FRA10AC1: variants seen among roughly 807,000 people sequenced by gnomAD.
FRA10AC1 encodes protein FRA10AC1.
FRA10AC1 carries 43 observed loss-of-function variants against 56.5 expected under a neutral mutation model. That is an observed-to-expected ratio of 0.76 (90% CI 0.60 to 0.98). The LOEUF (loss-of-function observed/expected upper bound fraction) is 0.98. Ranked by LOEUF, FRA10AC1 falls within the 50% of genes least tolerant of loss-of-function variation. The probability of loss-of-function intolerance (pLI) is 0.00; values close to 1 mark genes in which losing one functional copy is unlikely to be tolerated. For synonymous variants in FRA10AC1, 112 were observed against 110.5 expected (o/e 1.01, Z -0.09); for missense variants, 346 against 351.8 (o/e 0.98, Z 0.13).
At chr10:93,671,164 G>T (rs2058755349) in intron 12 of FRA10AC1, 1 of 220,602 alleles carries the variant, frequency 4.5e-6, no homozygotes, top group Admixed American at 5.2e-5. Context: ...AGTTGTCTCT[G>T]ATCTAGTTTC....
intron 5 of FRA10AC1, 92 bp from the exon 6 acceptor site, chr10:93,692,821 AAATAT>A: frequency 1.6e-6 from 1 of 643,448 alleles, no homozygotes; most frequent in Admixed American, 3.2e-5. Flanking sequence ...ATTTTATTAA[AAATAT>A]AATACATGAA....
Position 93,700,011 on chromosome 10 carries a change from A to AT in FRA10AC1, c.77+18dup, listed in dbSNP as rs760680211. 2.2e-6 allele frequency: 3 copies of AT among 1,340,222 alleles called. No individual in the cohort carries two copies. Among genetic ancestry groups the AT allele is most frequent in the Admixed American group, 3.6e-5 (2 of 54,942 alleles). 83.0% of individuals were successfully genotyped at this position (1,340,222 alleles called of 1,614,324 possible). The stretch of plus-strand genomic sequence containing the variant: ...TAGAAAGGATGTGAAAAATAGATCA[A>AT]TAAAAAAAAATTACTTACCTTTTTT... On this transcript the variant is annotated intron_variant, in intron 2 of 13. Transcript: ENST00000359204.
intron 12 of FRA10AC1, chr10:93,673,286 C>T (rs1235606167): frequency 2.2e-6 from 1 of 455,910 alleles, no homozygotes; most frequent in Non-Finnish European, 4.4e-6. Context: ...AATATCCATA[C>T]AGTAATTTCC....
rs1265853765 is a variant in FRA10AC1, at chr10:93,669,567, T to C, written c.*259A>G. 7.2e-6 allele frequency: 3 copies of C among 416,358 alleles called. No homozygotes were observed. Among genetic ancestry groups the C allele is most frequent in the Non-Finnish European group, 1.3e-5 (3 of 234,148 alleles). The allele number at this position is 416,358 out of a possible 1,614,324, so 25.8% of individuals were successfully genotyped here. Reference sequence around the variant, plus strand: ...GTAGGAACAATGGAATCTGTCCAGCTCTATCCTCTAGGAGCTACAAATAAA... The same window carrying C: ...GTAGGAACAATGGAATCTGTCCAGCCCTATCCTCTAGGAGCTACAAATAAA... On this transcript the variant is annotated 3_prime_UTR_variant, in exon 14 of 14. Transcript: ENST00000359204.
At chr10:93,693,640 C>CACACCATATATATATACCATATATAT (rs2059176322) in intron 5 of FRA10AC1, among the ~76,000 whole-genome samples, 2 of 58,824 alleles carry the variant, frequency 3.4e-5, no homozygotes, top group Non-Finnish European at 1.2e-4. Context: ...CATATATATA[C>CACACCATATATATATACCATATATAT]ACACCATATA....
chr10:93,697,417 G>T (rs1442433802), intron 4 of FRA10AC1, among the ~76,000 whole-genome samples: 1 of 152,170 alleles, frequency 6.6e-6, no homozygotes, highest in Admixed American at 6.5e-5. Flanking sequence ...GGTAGGGGGC[G>T]TATCAAATTG....
chr10:93,679,127 GT>G (rs2058890931), intron 11 of FRA10AC1, among the ~76,000 whole-genome samples: 1 of 152,204 alleles, frequency 6.6e-6, no homozygotes, highest in South Asian at 2.1e-4. Context: ...GAAGTTGGGG[GT>G]AAAAAAGCTA....
chr10:93,694,673 C>A (rs1444682054), intron 5 of FRA10AC1, among the ~76,000 whole-genome samples, 188 bp downstream of exon 5: 2 of 140,904 alleles, frequency 1.4e-5, no homozygotes, highest in Non-Finnish European at 3.0e-5. Context: ...GAGATCAAGC[C>A]ACTGTTCTCC....
intron 3 of FRA10AC1, 54 bp from the exon 4 acceptor site, chr10:93,698,235 A>G (rs11187596): frequency 0.094 from 141,670 of 1,502,838 alleles, 7,605 homozygotes; most frequent in Middle Eastern, 0.13. Context: ...TCAAATTAAC[A>G]TAATCAAATC....
At position 93,668,970 on chromosome 10, in the gene FRA10AC1, CT is replaced by C. The variant is rs1437456726; in HGVS notation, c.*855del. 6.6e-6 allele frequency: 1 copy of C among 152,170 alleles called. No homozygotes were observed. The highest frequency in any genetic ancestry group is 1.5e-5 in the Non-Finnish European group (1 of 68,052). The allele number at this position is 152,170 out of a possible 1,614,324, so 9.4% of individuals were successfully genotyped here. ...GTTAAATTATCTTACTGCATAATCT[CT>C]GCCGGGGAGGCAATTTTTGTGAACA... On this transcript the variant is annotated 3_prime_UTR_variant, in exon 14 of 14. Coordinates refer to ENST00000359204, the MANE Select transcript of FRA10AC1 (RefSeq NM_145246.5).
intron 8 of FRA10AC1, 46 bp from the exon 9 acceptor site, chr10:93,685,405 T>C (rs2059008893): frequency 1.2e-6 from 1 of 861,342 alleles, no homozygotes; most frequent in African/African-American, 1.7e-5. Flanking sequence ...GGTGATAATA[T>C]TTATCTATAT....
At chr10:93,694,795 T>G in intron 5 of FRA10AC1, 66 bp downstream of exon 5, 2 of 754,162 alleles carry the variant, frequency 2.7e-6, no homozygotes, top group Non-Finnish European at 2.3e-6. Flanking sequence ...GAAGGCACAG[T>G]AGCTGTGGGT....
intron 7 of FRA10AC1, among the ~76,000 whole-genome samples, chr10:93,688,916 T>G (rs879911014): frequency 9.9e-5 from 15 of 152,132 alleles, no homozygotes; most frequent in Non-Finnish European, 1.8e-4. Flanking sequence ...GGTCTTAACC[T>G]TGGGAAAGTT....
Position 93,676,707 on chromosome 10 carries a change from C to T in FRA10AC1, c.788-16G>A. 6.4e-7 allele frequency: 1 copy of T among 1,562,924 alleles called. No homozygotes were observed. Among genetic ancestry groups the T allele is most frequent in the Non-Finnish European group, 8.6e-7 (1 of 1,158,898 alleles). ...GATGAATGTCCTGAAAAGGAAACAT[C>T]ATTGATTTATTAACTATCATCTTGT... On this transcript the variant is annotated splice_polypyrimidine_tract_variant and intron_variant, in intron 11 of 13. Transcript: ENST00000359204.
chr10:93,685,174 T>G (rs767701), intron 9 of FRA10AC1, 72 bp downstream of exon 9: 353,208 of 730,134 alleles, frequency 0.48, 89,441 homozygotes, highest in Non-Finnish European at 0.52. Flanking sequence ...ATTTGAATTT[T>G]AAAGTCTATA....
rs2133886557 is a variant in FRA10AC1, at chr10:93,669,711, A to G, written c.*115T>C. The G allele has an allele frequency of 2.9e-6, 2 of 700,822 alleles. No homozygotes were observed. The highest frequency in any genetic ancestry group is 1.8e-5 in the South Asian group (1 of 55,216). The allele number at this position is 700,822 out of a possible 1,614,324, so 43.4% of individuals were successfully genotyped here. A position where few individuals can be genotyped will look rare whatever the true frequency, so the allele number is the denominator to read the frequency against. On this transcript the variant is annotated 3_prime_UTR_variant, in exon 14 of 14. Transcript: ENST00000359204. ...AGAACCTGGATTTTTATTTCCAAAG[A>G]CAAACCACACAAGCTGTAACTTGCA...
chr10:93,672,315 C>A (rs2058776036), intron 12 of FRA10AC1: 1 of 200,382 alleles, frequency 5.0e-6, no homozygotes, highest in Admixed American at 6.2e-5. Context: ...ATTTTGTATT[C>A]TAATGATCTA....
chr10:93,685,818 A>C (rs1302519558), intron 8 of FRA10AC1, among the ~76,000 whole-genome samples: 1 of 151,964 alleles, frequency 6.6e-6, no homozygotes, highest in East Asian at 1.9e-4. Context: ...AATAGTTAAT[A>C]GTTTTAAGTA....
At chr10:93,673,324 C>G (rs1316743981) in intron 12 of FRA10AC1, 2 of 456,452 alleles carry the variant, frequency 4.4e-6, no homozygotes, top group Non-Finnish European at 4.4e-6. Context: ...TCTTCCCTCC[C>G]ATCCTTTCAC....
Sources: allele counts gnomAD v4.1 joint callset (sites outside exome capture counted in the v4.1 genomes callset), GRCh38; gene constraint gnomAD v4.1.1; transcripts MANE v1.5; gene names NCBI Gene and HGNC (gene_info 2026-07-23, HGNC 2026-07-21).